Variants in TMEM163 observed in about 807,000 individuals in gnomAD.
The protein encoded by TMEM163 is transmembrane protein 163.
TMEM163 carries 17 observed loss-of-function variants against 29.3 expected under a neutral mutation model. The observed-to-expected ratio is 0.58, with a 90% CI of 0.40 to 0.87. The LOEUF (loss-of-function observed/expected upper bound fraction) is 0.87, where lower values mean the gene tolerates loss of function less well. Ranked by LOEUF, TMEM163 falls within the 40% of genes least tolerant of loss-of-function variation. The pLI is 0.00. For synonymous variants in TMEM163, 157 were observed against 160.6 expected, an observed-to-expected ratio of 0.98 and a Z score of 0.17; for missense variants, 303 against 381.5, an observed-to-expected ratio of 0.79 and a Z score of 1.71.
chr2:134,708,736 G>A (rs1244120580), intron 2 of TMEM163, among the ~76,000 whole-genome samples: 5 of 151,970 alleles, frequency 3.3e-5, no homozygotes, highest in South Asian at 2.1e-4. Flanking sequence ...ACAGGCACGC[G>A]CCAACACACC....
rs114713625 is a variant in TMEM163 at position 134,461,457 on chromosome 2, G to A, written c.668-3284C>T. Among the ~76,000 whole-genome samples, 1,082 of 152,224 alleles carry A rather than the reference G, an allele frequency of 7.1e-3. 9 individuals carry two copies. The highest frequency in any genetic ancestry group is 0.024 in the African/African-American group (1,012 of 41,508). ...CTGTAGGACTGAAGCTGTGCCCCTC[G>A]TCCAGAGCGCTCCCCCAGTGCTCTC... is the stretch of plus-strand genomic sequence containing the variant. On this transcript the variant is annotated intron_variant, in intron 6 of 7. Coordinates refer to ENST00000281924, the MANE Select transcript of TMEM163 (RefSeq NM_030923.5).
At chr2:134,690,891 A>G (rs1235971626) in intron 2 of TMEM163, among the ~76,000 whole-genome samples, 2 of 152,236 alleles carry the variant, frequency 1.3e-5, no homozygotes, top group Non-Finnish European at 2.9e-5. Context: ...AGGGCCCTGG[A>G]TAACGACTTT....
At position 134,712,087 on chromosome 2, in the gene TMEM163, G is replaced by A. The variant is rs145834561; in HGVS notation, c.322+1113C>T. ...CCCTTGATTAGATTTCTGGCTCACC[G>A]GTAAAAAACGTTTATACTCTGGAAT... On this transcript the variant is annotated intron_variant, in intron 2 of 7. Transcript: ENST00000281924. Among the ~76,000 whole-genome samples, 407 of 152,156 alleles carry A rather than the reference G, an allele frequency of 2.7e-3. 2 individuals carry two copies. The highest frequency in any genetic ancestry group is 9.0e-3 in the African/African-American group (375 of 41,514).
intron 4 of TMEM163, among the ~76,000 whole-genome samples, chr2:134,549,831 T>C (rs1203944977): frequency 6.6e-6 from 1 of 150,984 alleles, no homozygotes; most frequent in African/African-American, 2.5e-5. Flanking sequence ...TATTAGCGTA[T>C]AGGTATATGC....
Position 134,482,049 on chromosome 2 carries a change from T to C in TMEM163, c.556-15824A>G, listed in dbSNP as rs563235527. On this transcript the variant is annotated intron_variant, in intron 5 of 7. Coordinates refer to ENST00000281924, the MANE Select transcript of TMEM163 (RefSeq NM_030923.5). ...CATCTGTAAATAAAATTCCACCTCC[T>C]GATTAATTCTCATCTTCAAAGAAAA... Among the ~76,000 whole-genome samples the C allele has an allele frequency of 3.7e-4, 56 of 152,322 alleles. 1 individual carries two copies. The highest frequency in any genetic ancestry group is 5.9e-4 in the Non-Finnish European group (40 of 68,034).
chr2:134,636,995 A>G (rs974766780), intron 2 of TMEM163, among the ~76,000 whole-genome samples: 4 of 151,844 alleles, frequency 2.6e-5, no homozygotes, highest in Non-Finnish European at 5.9e-5. Flanking sequence ...ATCCTTAAAA[A>G]CTCTGATCCC....
intron 4 of TMEM163, among the ~76,000 whole-genome samples, chr2:134,511,152 G>C (rs966652285): frequency 8.3e-6 from 1 of 120,130 alleles, no homozygotes; most frequent in African/African-American, 3.2e-5. Flanking sequence ...GGAGAACAAG[G>C]CGGGGGGGGG....
intron 2 of TMEM163, among the ~76,000 whole-genome samples, chr2:134,684,934 A>AG (rs1350376378): frequency 3.3e-5 from 5 of 149,766 alleles, no homozygotes; most frequent in Non-Finnish European, 7.4e-5. Flanking sequence ...AAAAAAAAAA[A>AG]AAAAAAGAAA....
intron 4 of TMEM163, among the ~76,000 whole-genome samples, chr2:134,523,371 T>C (rs1680227475): frequency 6.6e-6 from 1 of 152,184 alleles, no homozygotes; most frequent in Non-Finnish European, 1.5e-5. Flanking sequence ...AAAAACTTCA[T>C]GTAACAGGAA....
chr2:134,586,920 T>C (rs1298857636), intron 2 of TMEM163, among the ~76,000 whole-genome samples: 1 of 152,158 alleles, frequency 6.6e-6, no homozygotes, highest in Non-Finnish European at 1.5e-5. Flanking sequence ...TATTATCCTT[T>C]CCACACCAGT....
chr2:134,519,710 T>A (rs1680151143), intron 4 of TMEM163, among the ~76,000 whole-genome samples: 1 of 150,004 alleles, frequency 6.7e-6, no homozygotes, highest in African/African-American at 2.5e-5. Context: ...AGATTCCGTG[T>A]CAAAAATTTA....
At chr2:134,693,665 A>G (rs1684522793) in intron 2 of TMEM163, among the ~76,000 whole-genome samples, 1 of 151,760 alleles carries the variant, frequency 6.6e-6, no homozygotes. Flanking sequence ...TGGAGCTTTT[A>G]AAAACAAATC....
chr2:134,553,750 A>G (rs1300912462), intron 2 of TMEM163, among the ~76,000 whole-genome samples: 18 of 152,172 alleles, frequency 1.2e-4, no homozygotes, highest in Admixed American at 1.2e-3. Flanking sequence ...CCAGCTGTGC[A>G]TGGTGACCAG....
intron 2 of TMEM163, among the ~76,000 whole-genome samples, chr2:134,655,126 A>G (rs1683570278): frequency 7.3e-6 from 1 of 136,858 alleles, no homozygotes; most frequent in African/African-American, 3.1e-5. Context: ...TCTCCTGGAT[A>G]ATATCCTGCA....
intron 2 of TMEM163, among the ~76,000 whole-genome samples, chr2:134,684,712 T>G (rs1263480036): frequency 6.6e-6 from 1 of 151,802 alleles, no homozygotes; most frequent in African/African-American, 2.4e-5. Context: ...GATCATGAGG[T>G]CAGGAGATTG....
At chr2:134,640,507 G>C (rs945348587) in intron 2 of TMEM163, among the ~76,000 whole-genome samples, 13 of 152,202 alleles carry the variant, frequency 8.5e-5, no homozygotes, top group African/African-American at 3.1e-4. Context: ...AATGGCATTG[G>C]TACAGATGAG....
chr2:134,700,325 G>T (rs185393238), intron 2 of TMEM163, among the ~76,000 whole-genome samples: 2 of 152,080 alleles, frequency 1.3e-5, no homozygotes, highest in East Asian at 3.9e-4. Context: ...TCTCTTTTCT[G>T]CTTTTGGAAT....
chr2:134,701,955 C>T (rs1375701576), intron 2 of TMEM163, among the ~76,000 whole-genome samples: 1 of 147,798 alleles, frequency 6.8e-6, no homozygotes, highest in Non-Finnish European at 1.5e-5. Context: ...AAACAGAAGG[C>T]TGAAATCTCC....
At chr2:134,532,963 C>A (rs78513112) in intron 4 of TMEM163, among the ~76,000 whole-genome samples, 2 of 152,150 alleles carry the variant, frequency 1.3e-5, no homozygotes. Flanking sequence ...AACAAACCAG[C>A]CTTCATTCTC....
Sources: gnomAD v4.1 joint callset for allele counts (sites outside exome capture counted in the v4.1 genomes callset) on GRCh38, gnomAD v4.1.1 for gene constraint, MANE v1.5 for transcripts, NCBI Gene and HGNC (gene_info 2026-07-23, HGNC 2026-07-21) for gene names.